CCDC171: variants seen among roughly 807,000 people sequenced by gnomAD.
CCDC171 encodes the protein coiled-coil domain containing 171.
CCDC171 carries 177 observed loss-of-function variants against 168.2 expected under a neutral mutation model. The ratio of observed to expected loss-of-function variants is 1.05; its 90% CI spans 0.93 to 1.19. The LOEUF is 1.19. Ranked by LOEUF, CCDC171 falls within the 50% of genes most tolerant of loss-of-function variation. CCDC171 has a pLI of 0.00. For missense variants in CCDC171, 1,991 were observed against 1,539.0 expected (o/e 1.29, Z -4.91); for synonymous variants, 687 against 540.8 (o/e 1.27, Z -3.75).
In CCDC171 at chr9:15,769,427, C is replaced by T. The variant is rs139588854; in HGVS notation, c.2672-8173C>T. Among the ~76,000 whole-genome samples, 172 of 152,282 alleles carry T rather than the reference C, an allele frequency of 1.1e-3. 1 individual carries two copies. Among genetic ancestry groups the T allele is most frequent in the African/African-American group, 3.9e-3 (160 of 41,546 alleles). ...GTAGAATTCAGCAGAGCTGGGGGAA[C>T]GGTCTGTGGACTTGAATGAGAAAAA... On this transcript the variant is annotated intron_variant, in intron 18 of 25. Coordinates refer to ENST00000380701, the MANE Select transcript of CCDC171 (RefSeq NM_173550.4).
At chr9:15,849,994 T>C (rs770183640) in intron 23 of CCDC171, among the ~76,000 whole-genome samples, 1 of 151,934 alleles carries the variant, frequency 6.6e-6, no homozygotes, top group Non-Finnish European at 1.5e-5. Context: ...TCTTTGAAAT[T>C]ATTATTTCTC....
rs546984918 is a variant in CCDC171, at chr9:15,610,324, C to T, written c.676-12943C>T. Among the ~76,000 whole-genome samples the T allele has an allele frequency of 1.7e-3, 260 of 150,492 alleles. 3 individuals carry two copies. Among genetic ancestry groups the T allele is most frequent in the South Asian group, 3.6e-3 (17 of 4,686 alleles). On this transcript the variant is annotated intron_variant, in intron 6 of 25. Coordinates refer to ENST00000380701, the MANE Select transcript of CCDC171 (RefSeq NM_173550.4). ...CACTGCAGCTTAAACCTCCTGGGCT[C>T]GGCTGGGCGCGATGGCTCATGCCTG... is the stretch of plus-strand genomic sequence containing the variant.
At chr9:15,617,604 C>G (rs948970105) in intron 6 of CCDC171, among the ~76,000 whole-genome samples, 1 of 152,038 alleles carries the variant, frequency 6.6e-6, no homozygotes, top group Non-Finnish European at 1.5e-5. Flanking sequence ...TCTTGATGTC[C>G]TGACCTCCTG....
intron 11 of CCDC171, among the ~76,000 whole-genome samples, chr9:15,696,614 A>G (rs1311710194): frequency 6.6e-6 from 1 of 152,156 alleles, no homozygotes; most frequent in Non-Finnish European, 1.5e-5. Context: ...TGGTGTTAGG[A>G]TCTTTAAAAA....
At chr9:15,568,094 C>G (rs1563953909) in intron 2 of CCDC171, among the ~76,000 whole-genome samples, 1 of 151,848 alleles carries the variant, frequency 6.6e-6, no homozygotes, top group African/African-American at 2.4e-5. Flanking sequence ...TATTCTGTGA[C>G]CTTGCTGAAA....
chr9:15,991,847 T>G (rs1832210788), intron 3 of CCDC171, among the ~76,000 whole-genome samples: 1 of 152,198 alleles, frequency 6.6e-6, no homozygotes, highest in Non-Finnish European at 1.5e-5. Flanking sequence ...GATAAATTCC[T>G]GGACACATAC....
At chr9:15,853,895 AC>A (rs1188844661) in intron 23 of CCDC171, among the ~76,000 whole-genome samples, 1 of 151,364 alleles carries the variant, frequency 6.6e-6, no homozygotes, top group Admixed American at 6.6e-5. Context: ...GATGTTTTGT[AC>A]TACCTAACAT....
At chr9:15,649,016 AC>A in intron 7 of CCDC171, among the ~76,000 whole-genome samples, 1 of 152,338 alleles carries the variant, frequency 6.6e-6, no homozygotes, top group Non-Finnish European at 1.5e-5. Context: ...GGCTACAGTA[AC>A]CAAAACAGCA....
rs148386845 is a variant in CCDC171, at chr9:15,728,011, C to A, written c.1835C>A (p.Ala612Glu). 6.2e-7 allele frequency: 1 copy of A among 1,612,212 alleles called. No homozygotes were observed. The highest frequency in any genetic ancestry group is 1.3e-5 in the African/African-American group (1 of 74,822). ...VLQENVDALI[A>E]DLNRANEKIR... ...CAGGAGAATGTTGATGCCCTGATTG[C>A]AGACCTCAACAGGGCTAATGAGAAG... Residue 612 changes from alanine (A) to glutamate (E), a missense_variant, in exon 15 of 26, where the codon GCA becomes GAA. Ala to Glu is a moderately radical substitution (Grantham distance 107). Transcript: ENST00000380701.
At chr9:15,743,422 T>G (rs138935429) in intron 16 of CCDC171, among the ~76,000 whole-genome samples, 1 of 152,142 alleles carries the variant, frequency 6.6e-6, no homozygotes, top group Non-Finnish European at 1.5e-5. Context: ...TCCTCTTGCC[T>G]CAGCCTCCCA....
intron 6 of CCDC171, among the ~76,000 whole-genome samples, chr9:15,612,918 T>C (rs955887818): frequency 5.3e-5 from 8 of 152,200 alleles, no homozygotes; most frequent in Non-Finnish European, 1.0e-4. Flanking sequence ...GTTTATGTAA[T>C]GGTGACAGGA....
intron 24 of CCDC171, among the ~76,000 whole-genome samples, chr9:15,878,797 AT>A (rs1300492682): frequency 3.9e-5 from 6 of 152,220 alleles, no homozygotes; most frequent in African/African-American, 1.4e-4. Context: ...CTATACAACC[AT>A]AAAAAGAACG....
At chr9:15,594,971 T>A (rs2042236758) in intron 6 of CCDC171, among the ~76,000 whole-genome samples, 1 of 152,214 alleles carries the variant, frequency 6.6e-6, no homozygotes, top group Non-Finnish European at 1.5e-5. Context: ...GTGTTTTATG[T>A]ATTTTTTCGA....
chr9:15,910,172 G>GCGCA (rs1823406793), intron 24 of CCDC171, among the ~76,000 whole-genome samples: 1 of 150,808 alleles, frequency 6.6e-6, no homozygotes, highest in Admixed American at 6.6e-5. Context: ...GTATATATGT[G>GCGCA]CACACACACA....
intron 17 of CCDC171, 75 bp from the exon 18 acceptor site, chr9:15,745,440 C>A: frequency 1.2e-6 from 1 of 841,876 alleles, no homozygotes; most frequent in Non-Finnish European, 1.8e-6. Context: ...AATAGCTGAA[C>A]ACTGCTACGA....
intron 24 of CCDC171, among the ~76,000 whole-genome samples, chr9:15,876,826 C>G (rs1817911532): frequency 6.6e-6 from 1 of 151,970 alleles, no homozygotes; most frequent in Non-Finnish European, 1.5e-5. Context: ...ACTTTGTACT[C>G]TGACTCTGTA....
At chr9:16,029,557 A>T (rs1833333962) in intron 6 of CCDC171, among the ~76,000 whole-genome samples, 1 of 152,190 alleles carries the variant, frequency 6.6e-6, no homozygotes, top group Admixed American at 6.5e-5. Context: ...AGTGCTCTGT[A>T]TTTGTTAGGC....
chr9:15,675,026 T>C (rs1293826210), intron 9 of CCDC171, among the ~76,000 whole-genome samples: 1 of 152,154 alleles, frequency 6.6e-6, no homozygotes, highest in Non-Finnish European at 1.5e-5. Flanking sequence ...AGGACTTGCT[T>C]TATGAATCTG....
intron 6 of CCDC171, among the ~76,000 whole-genome samples, chr9:15,617,658 G>C (rs997982960): frequency 3.3e-5 from 5 of 152,168 alleles, no homozygotes; most frequent in Admixed American, 2.0e-4. Flanking sequence ...TTACAGGCGT[G>C]AGCCACCACG....
Sources: allele counts gnomAD v4.1 joint callset (sites outside exome capture counted in the v4.1 genomes callset), GRCh38; gene constraint gnomAD v4.1.1; transcripts MANE v1.5; gene names NCBI Gene and HGNC (gene_info 2026-07-23, HGNC 2026-07-21).